The following MUC5B variants were observed in gnomAD, a reference collection of about 807,000 sequenced individuals.
MUC5B encodes the protein mucin 5B, oligomeric mucus/gel-forming, also known as mucin-5B.
Under a neutral mutation model 376.9 loss-of-function variants are expected in MUC5B, and 116 were observed. That is an observed-to-expected ratio of 0.31 (90% CI 0.26 to 0.36). MUC5B has a LOEUF of 0.36. MUC5B is among the 10% of genes least tolerant of loss of function. MUC5B has a pLI of 1.00. For missense variants in MUC5B, 7,165 were observed against 7,769.9 expected (o/e 0.92, Z 2.93); for synonymous variants, 3,517 against 3,390.9 (o/e 1.04, Z -1.29).
Position 1,235,329 on chromosome 11 carries a change from C to T in MUC5B, c.2796C>T (p.His932=), listed in dbSNP as rs369528609. ...AQDYCGDNTT[H]GTFRIVTENI... Reference sequence around the variant, plus strand: ...ACTACTGTGGGGACAACACCACCCACGGGACCTTCCGCATCGTCACCGAGA... The same window carrying T: ...ACTACTGTGGGGACAACACCACCCATGGGACCTTCCGCATCGTCACCGAGA... The change falls in exon 23 of 49, where the codon CAC becomes CAT. Residue 932 remains histidine (H), a synonymous_variant. Transcript: ENST00000529681. 87 of 1,612,790 alleles carry T rather than the reference C, an allele frequency of 5.4e-5. No homozygotes were observed. The highest frequency in any genetic ancestry group is 4.7e-4 in the African/African-American group (35 of 74,894).
chr11:1,260,200 A>T, intron 46 of MUC5B, 115 bp downstream of exon 46: 1 of 1,417,502 alleles, frequency 7.1e-7, no homozygotes. Flanking sequence ...GGGAGGCCCC[A>T]CCCCTGCCTG....
rs139957803 is a variant in MUC5B, at chr11:1,233,050, C to T, written c.2103C>T (p.Tyr701=). The T allele has an allele frequency of 5.3e-3, 8,492 of 1,603,420 alleles. 96 individuals carry two copies. Among genetic ancestry groups the T allele is most frequent in the South Asian group, 0.035 (3,178 of 90,124 alleles). ...YMQNCPKSQR[Y]AYVVDACQPT... Reference sequence around the variant, plus strand: ...AGAACTGCCCCAAGTCCCAGCGCTACGCCTACGTGGTGGATGCCTGCCAGC... The same window carrying T: ...AGAACTGCCCCAAGTCCCAGCGCTATGCCTACGTGGTGGATGCCTGCCAGC... Residue 701 remains tyrosine, a synonymous_variant, in exon 18 of 49, where the codon TAC becomes TAT. Coordinates refer to ENST00000529681, the MANE Select transcript of MUC5B (RefSeq NM_002458.3).
chr11:1,260,848 G>A, intron 48 of MUC5B, 120 bp downstream of exon 48: 1 of 723,256 alleles, frequency 1.4e-6, no homozygotes, highest in Non-Finnish European at 2.4e-6. Flanking sequence ...CAGGAAGGAG[G>A]GAAGGGGCTC....
At position 1,242,160 on chromosome 11, in the gene MUC5B, C is replaced by G. The variant is rs759778109; in HGVS notation, c.5280C>G (p.Thr1760=). 8 of 1,613,382 alleles carry G rather than the reference C, an allele frequency of 5.0e-6. No individual in the cohort carries two copies. The African/African-American group carries it at 1.1e-4, about 22-fold the overall frequency. The change falls in exon 31 of 49, where the codon ACC becomes ACG. Residue 1760 remains threonine, a synonymous_variant. Coordinates refer to ENST00000529681, the MANE Select transcript of MUC5B (RefSeq NM_002458.3). ...TSELSTSQAE[T]STPRTETTMS... is the part of the protein sequence containing the mutation. The stretch of plus-strand genomic sequence containing the variant: ...AGCTGTCCACCTCTCAGGCCGAGAC[C>G]AGCACGCCCAGGACAGAGACGACAA...
In MUC5B at chr11:1,241,809, C is replaced by G; in HGVS notation, c.4929C>G (p.Pro1643=). 1.9e-6 allele frequency: 3 copies of G among 1,612,842 alleles called. No homozygotes were observed. The highest frequency in any genetic ancestry group is 2.5e-6 in the Non-Finnish European group (3 of 1,179,404). The change falls in exon 31 of 49, where the codon CCC becomes CCG. Residue 1643 remains proline, a synonymous_variant. Coordinates refer to ENST00000529681, the MANE Select transcript of MUC5B (RefSeq NM_002458.3). ...GTAGCCCGGGGCTGACCAGGGCTCC[C>G]CCGGCCAGCACCACAGCAGTCCCCA... is the stretch of plus-strand genomic sequence containing the variant. ...PTSSPGLTRA[P]PASTTAVPTL... is the part of the protein sequence containing the mutation.
Position 1,245,418 on chromosome 11 carries a change from C to T in MUC5B, c.8538C>T (p.Ser2846=), listed in dbSNP as rs549495831. The T allele has an allele frequency of 1.9e-6, 3 of 1,560,770 alleles. No homozygotes were observed. The East Asian group carries it at 6.8e-5, about 35-fold the overall frequency. The part of the protein sequence containing the change: ...TSRTTATATP[S]KTRTSTLLPS... ...GGACCACGGCCACGGCCACACCCAG[C>T]AAGACCCGCACCTCGACCCTGCTGC... The change falls in exon 31 of 49, where the codon AGC becomes AGT. Residue 2846 remains serine, a synonymous_variant. Coordinates refer to ENST00000529681, the MANE Select transcript of MUC5B (RefSeq NM_002458.3).
chr11:1,238,696 C>T (rs1287391851), intron 25 of MUC5B, among the ~76,000 whole-genome samples, 175 bp from the exon 26 acceptor site: 1 of 152,140 alleles, frequency 6.6e-6, no homozygotes, highest in African/African-American at 2.4e-5. Flanking sequence ...TGGAGAAGTG[C>T]TGGGGCAGCT....
chr11:1,260,758 G>C, intron 48 of MUC5B, 30 bp downstream of exon 48: 1 of 1,535,022 alleles, frequency 6.5e-7, no homozygotes, highest in South Asian at 1.2e-5. Context: ...TGTGCCAAGA[G>C]CACCTGCGTG....
In MUC5B at chr11:1,240,968, A is replaced by G. The variant is rs759500754; in HGVS notation, c.4088A>G (p.Asn1363Ser). 1 of 1,613,390 alleles carries G rather than the reference A, an allele frequency of 6.2e-7. No homozygotes were observed. The highest frequency in any genetic ancestry group is 1.1e-5 in the South Asian group (1 of 91,082). The stretch of plus-strand genomic sequence containing the variant: ...GGCGGAGACTTTGAGACGTTTGAAA[A>G]CCTGAGGCAGAGAGGGTACCAGGTA... ...LGGGDFETFE[N>S]LRQRGYQVCP... The change falls in exon 31 of 49, where the codon AAC (asparagine) becomes AGC (serine). Residue 1363 changes from asparagine to serine, a missense_variant. Around this residue, in one of 31 missense-constraint regions of MUC5B, gnomAD observed 517 missense variants for 545.3 expected, o/e 0.95. Coordinates refer to ENST00000529681, the MANE Select transcript of MUC5B (RefSeq NM_002458.3).
At chr11:1,225,995 C>T (rs1270148812) in intron 2 of MUC5B, among the ~76,000 whole-genome samples, 1 of 152,270 alleles carries the variant, frequency 6.6e-6, no homozygotes, top group Non-Finnish European at 1.5e-5. Flanking sequence ...CACTGGCACA[C>T]ACATGTGTGC....
At chr11:1,227,812 C>A in intron 7 of MUC5B, 31 bp downstream of exon 7, 1 of 691,392 alleles carries the variant, frequency 1.4e-6, no homozygotes, top group South Asian at 1.5e-5. Flanking sequence ...AGCTCCTGGG[C>A]AGGGACGGCC....
Position 1,247,412 on chromosome 11 carries a change from G to A in MUC5B, c.10532G>A (p.Ser3511Asn), listed in dbSNP as rs1469407804. The A allele has an allele frequency of 1.2e-5, 20 of 1,609,242 alleles. No homozygotes were observed. Among genetic ancestry groups the A allele is most frequent in the Admixed American group, 5.0e-5 (3 of 59,830 alleles). Residue 3511 changes from serine to asparagine, a missense_variant, in exon 31 of 49, where the codon AGC becomes AAC. Ser to Asn is a conservative substitution (Grantham distance 46, BLOSUM62 1). Transcript: ENST00000529681. Reference sequence around the variant, plus strand: ...CAGCACTCGACTCCAGCCCTGTCCAGCCCTCACCCTAGCAGCAGGACCACC... The same window carrying A: ...CAGCACTCGACTCCAGCCCTGTCCAACCCTCACCCTAGCAGCAGGACCACC... ...TTQHSTPALS[S>N]PHPSSRTTES... is the part of the protein sequence containing the mutation.
Position 1,242,337 on chromosome 11 carries a change from C to T in MUC5B, c.5457C>T (p.Gly1819=), listed in dbSNP as rs1403037961. Residue 1819 remains glycine, a synonymous_variant, in exon 31 of 49, where the codon GGC becomes GGT. Transcript: ENST00000529681. ...TTGAAAACATCAGGGCTGCTGGGGGCAAGATGTGCTGGGCACCAAAGAGCA... is the reference window on the plus strand; with the variant it reads ...TTGAAAACATCAGGGCTGCTGGGGGTAAGATGTGCTGGGCACCAAAGAGCA... ...ETFENIRAAG[G]KMCWAPKSIE... 6.2e-7 allele frequency: 1 copy of T among 1,613,874 alleles called. No individual in the cohort carries two copies. Among genetic ancestry groups the T allele is most frequent in the South Asian group, 1.1e-5 (1 of 91,080 alleles).
At chr11:1,238,183 T>G (rs1862196844) in intron 25 of MUC5B, among the ~76,000 whole-genome samples, 2 of 152,144 alleles carry the variant, frequency 1.3e-5, no homozygotes, top group Admixed American at 1.3e-4. Context: ...TCAGGACGCA[T>G]TCACAGCTCA....
intron 35 of MUC5B, 60 bp from the exon 36 acceptor site, chr11:1,254,981 G>A: frequency 1.3e-6 from 1 of 748,590 alleles, no homozygotes; most frequent in Non-Finnish European, 2.2e-6. Flanking sequence ...TGGGGGAGGG[G>A]GGTGGGGGCT....
Position 1,243,574 on chromosome 11 carries a change from A to G in MUC5B, c.6694A>G (p.Thr2232Ala). Residue 2232 changes from threonine to alanine, a missense_variant, in exon 31 of 49, where the codon ACG becomes GCG. Physicochemically the swap from Thr to Ala is moderately conservative, Grantham distance 58. This residue lies in a region of MUC5B where 67 missense variants were observed against 103.0 expected (regional missense o/e 0.65). Transcript: ENST00000529681. ...CACCACCCACATCACAGAGCCTTCC[A>G]CGGTGACTTCCCACACCCTAGCAGC... ...LGTTHITEPS[T>A]VTSHTLAATT... is the part of the protein sequence containing the mutation. The G allele has an allele frequency of 1.2e-6, 2 of 1,607,844 alleles. No individual in the cohort carries two copies. Among genetic ancestry groups the G allele is most frequent in the South Asian group, 1.1e-5 (1 of 90,652 alleles).
At position 1,260,608 on chromosome 11, in the gene MUC5B, T is replaced by C. The variant is rs777683932; in HGVS notation, c.16967-18T>C. 8.1e-6 allele frequency: 13 copies of C among 1,605,014 alleles called. No individual in the cohort carries two copies. The highest frequency in any genetic ancestry group is 1.1e-5 in the Non-Finnish European group (13 of 1,174,144). On this transcript the variant is annotated intron_variant, in intron 47 of 48. Transcript: ENST00000529681. ...TGAGGGTCCAGTGGGGCTCCACATC[T>C]GCCTTTCCTCCTCCCAGACTCCTGT...
chr11:1,239,218 C>T, intron 26 of MUC5B, 191 bp downstream of exon 26: 1 of 919,746 alleles, frequency 1.1e-6, no homozygotes, highest in South Asian at 1.6e-5. Context: ...AGACAGGTTG[C>T]CCCAGCATGA....
At position 1,229,237 on chromosome 11, in the gene MUC5B, C is replaced by A; in HGVS notation, c.1044C>A (p.Asn348Lys). Reference sequence around the variant, plus strand: ...CACCCTGCACGGACACCTGCTCCAACCCCCAGCGCGCGCAGCTCTGCGAGG... The same window carrying A: ...CACCCTGCACGGACACCTGCTCCAAACCCCAGCGCGCGCAGCTCTGCGAGG... Reference protein sequence around the residue: ...CGSPCTDTCSNPQRAQLCEDH... With the variant: ...CGSPCTDTCSKPQRAQLCEDH... Residue 348 changes from asparagine to lysine, a missense_variant, in exon 9 of 49, where the codon AAC becomes AAA. Asn to Lys is a moderately conservative substitution (Grantham distance 94). Around this residue, in one of 31 missense-constraint regions of MUC5B, gnomAD observed 640 missense variants for 733.0 expected, o/e 0.87. Transcript: ENST00000529681. 6.3e-7 allele frequency: 1 copy of A among 1,596,722 alleles called. No individual in the cohort carries two copies. The highest frequency in any genetic ancestry group is 8.5e-7 in the Non-Finnish European group (1 of 1,174,806).
Sources: gnomAD v4.1 joint callset for allele counts (sites outside exome capture counted in the v4.1 genomes callset) on GRCh38, gnomAD v4.1.1 for gene constraint, gnomAD v4.1.1 regional missense constraint, MANE v1.5 for transcripts, NCBI Gene and HGNC (gene_info 2026-07-23, HGNC 2026-07-21) for gene names.